LYSMD2: variants seen among roughly 807,000 people sequenced by gnomAD.
LYSMD2 encodes LysM domain containing 2, also known as lysM and putative peptidoglycan-binding domain-containing protein 2.
LYSMD2 carries 6 observed loss-of-function variants against 17.7 expected under a neutral mutation model. The ratio of observed to expected loss-of-function variants is 0.34; its 90% CI spans 0.19 to 0.67. The LOEUF (loss-of-function observed/expected upper bound fraction) is 0.67. LYSMD2 is among the 30% of genes least tolerant of loss of function. LYSMD2 has a pLI of 0.69. For missense variants in LYSMD2, 237 were observed against 286.7 expected, an observed-to-expected ratio of 0.83 and a Z score of 1.25; for synonymous variants, 102 against 129.8, an observed-to-expected ratio of 0.79 and a Z score of 1.45.
At chr15:51,744,368 CA>C (rs1211362855) in intron 1 of LYSMD2, among the ~76,000 whole-genome samples, 1 of 152,014 alleles carries the variant, frequency 6.6e-6, no homozygotes, top group Non-Finnish European at 1.5e-5. Context: ...TGAACTATGT[CA>C]AAAGTTTTTT....
chr15:51,725,140 GAC>G lies in LYSMD2; in HGVS notation c.274-21_274-20del, dbSNP rs751520260. ...GTTCCATCTAAAATATAAAAAAGGA[GAC>G]ACAGAATTACATATAACCAAGTCAA... On this transcript the variant is annotated intron_variant, in intron 1 of 2. Coordinates refer to ENST00000267838, the MANE Select transcript of LYSMD2 (RefSeq NM_153374.3). 6.8e-7 allele frequency: 1 copy of G among 1,477,182 alleles called. No individual in the cohort carries two copies. The highest frequency in any genetic ancestry group is 1.2e-5 in the South Asian group (1 of 80,606). 91.5% of individuals were successfully genotyped at this position (1,477,182 alleles called of 1,614,324 possible).
intron 1 of LYSMD2, among the ~76,000 whole-genome samples, chr15:51,730,763 T>C (rs1027407323): frequency 1.3e-5 from 2 of 152,212 alleles, no homozygotes; most frequent in Admixed American, 1.3e-4. Context: ...CATAATAACA[T>C]GTACATAGCA....
rs566196884 is a variant in LYSMD2 at position 51,737,053 on chromosome 15, G to C, written c.273+297C>G. ...CCTCTTCGGCCTCCCTCACGCGACA[G>C]ATCTAGTCTGAGCCTGGGCGGGGCA... On this transcript the variant is annotated intron_variant, in intron 1 of 2. Transcript: ENST00000267838. The surrounding 1 kb of genome is among the most constrained non-coding windows in gnomAD (Gnocchi z 4.2). Among the ~76,000 whole-genome samples the C allele has an allele frequency of 6.6e-6, 1 of 152,356 alleles. No homozygotes were observed. The highest frequency in any genetic ancestry group is 1.5e-5 in the Non-Finnish European group (1 of 68,028).
At chr15:51,739,775 A>G (rs1358767525), upstream of LYSMD2, among the ~76,000 whole-genome samples, 1 of 152,070 alleles carries the variant, frequency 6.6e-6, no homozygotes, top group African/African-American at 2.4e-5. Flanking sequence ...AAAAAATACA[A>G]AACTTAATCG....
At chr15:51,743,983 C>A (rs779734776) in intron 1 of LYSMD2, among the ~76,000 whole-genome samples, 4 of 151,942 alleles carry the variant, frequency 2.6e-5, no homozygotes, top group African/African-American at 4.8e-5. Flanking sequence ...TTGTTATAAT[C>A]ATTTCTTTGT....
At chr15:51,749,681 C>T (rs752908287) in intron 1 of LYSMD2, among the ~76,000 whole-genome samples, 2 of 152,212 alleles carry the variant, frequency 1.3e-5, no homozygotes, top group African/African-American at 2.4e-5. Context: ...TGCCTACTAT[C>T]AGCTTTCTCT....
Position 51,737,427 on chromosome 15 carries a change from C to T in LYSMD2, c.196G>A (p.Val66Ile), listed in dbSNP as rs2055617888. Residue 66 changes from valine to isoleucine, a missense_variant, in exon 1 of 3, where the codon GTC becomes ATC. Transcript: ENST00000267838. The surrounding 1 kb of genome is among the most constrained non-coding windows in gnomAD (Gnocchi z 4.2). ...CGGTGCTCCACATGGCGCTCGATGA[C>T]GCCGGCGCCCAGCGGCGCCCGCACG... The part of the protein sequence containing the change: ...ASVRAPLGAG[V>I]IERHVEHRVR... 6.9e-7 allele frequency: 1 copy of T among 1,439,028 alleles called. No homozygotes were observed. The highest frequency in any genetic ancestry group is 3.1e-5 in the East Asian group (1 of 32,568). 89.1% of individuals were successfully genotyped at this position (1,439,028 alleles called of 1,614,324 possible). A position where few individuals can be genotyped will look rare whatever the true frequency, so the allele number is the denominator to read the frequency against.
At chr15:51,738,709 A>C (rs1049344904), upstream of LYSMD2, among the ~76,000 whole-genome samples, 4 of 152,108 alleles carry the variant, frequency 2.6e-5, no homozygotes, top group African/African-American at 9.7e-5. Flanking sequence ...TCGTTGGCTG[A>C]AGTTTTGGTA....
chr15:51,739,994 T>C (rs1260736584), upstream of LYSMD2, among the ~76,000 whole-genome samples: 2 of 152,202 alleles, frequency 1.3e-5, no homozygotes, highest in East Asian at 1.9e-4. Context: ...AGTCTTGCTC[T>C]GTTGCCTAGG....
intron 1 of LYSMD2, among the ~76,000 whole-genome samples, chr15:51,728,886 T>C (rs1444814165): frequency 6.6e-6 from 1 of 151,536 alleles, no homozygotes; most frequent in Non-Finnish European, 1.5e-5. Context: ...AAAAAAAAAT[T>C]TGTTTCTCCC....
chr15:51,737,399 AC>A lies in LYSMD2; in HGVS notation c.223del (p.Val75SerfsTer35). 6.9e-7 allele frequency: 1 copy of A among 1,456,898 alleles called. No homozygotes were observed. Among genetic ancestry groups the A allele is most frequent in the Non-Finnish European group, 9.0e-7 (1 of 1,110,072 alleles). 90.2% of individuals were successfully genotyped at this position (1,456,898 alleles called of 1,614,324 possible). A position where few individuals can be genotyped will look rare whatever the true frequency, so the allele number is the denominator to read the frequency against. ...GVIERHVEHR[V>X]RAGDTLQGIA... ...GCCCTGCAGCGTGTCGCCCGCGCGGACCCGGTGCTCCACATGGCGCTCGATG... is the reference window on the plus strand; with the variant it reads ...GCCCTGCAGCGTGTCGCCCGCGCGGACCGGTGCTCCACATGGCGCTCGATG... On this transcript the variant is annotated frameshift_variant, in exon 1 of 3. Transcript: ENST00000267838. LOFTEE classifies it high-confidence loss of function. The surrounding 1 kb of genome is among the most constrained non-coding windows in gnomAD (Gnocchi z 4.2).
chr15:51,747,217 C>G (rs1450262480), intron 1 of LYSMD2, among the ~76,000 whole-genome samples: 2 of 147,340 alleles, frequency 1.4e-5, no homozygotes, highest in East Asian at 4.1e-4. Flanking sequence ...ACAACAACAA[C>G]AACAACAACA....
chr15:51,751,298 T>G (rs1365152621), exon 1 of LYSMD2: 1 of 702,294 alleles, frequency 1.4e-6, no homozygotes. Context: ...GCGGCTTCCG[T>G]GTCAGGATGC....
chr15:51,747,506 A>T (rs1218987150), intron 1 of LYSMD2, among the ~76,000 whole-genome samples: 1 of 152,194 alleles, frequency 6.6e-6, no homozygotes, highest in East Asian at 1.9e-4. Context: ...TAATAATAAT[A>T]ATTTTAGAAA....
upstream of LYSMD2, among the ~76,000 whole-genome samples, chr15:51,741,962 AAT>A (rs915764452): frequency 1.3e-5 from 2 of 149,148 alleles, no homozygotes; most frequent in South Asian, 4.2e-4. Context: ...ATATATAAAT[AAT>A]ATATATATAT....
chr15:51,743,848 T>C (rs796469724), intron 1 of LYSMD2, among the ~76,000 whole-genome samples: 18 of 152,328 alleles, frequency 1.2e-4, no homozygotes, highest in African/African-American at 4.3e-4. Flanking sequence ...TAAGTATTTA[T>C]TTGTTTCTGT....
In LYSMD2 at chr15:51,737,217, A is replaced by G. The variant is rs1195180796; in HGVS notation, c.273+133T>C. ...TGGGAGCCGAGCCGCCCGGGGACGCACGGCCGTCCCTGCGACTCCCCATCC... is the reference window on the plus strand; with the variant it reads ...TGGGAGCCGAGCCGCCCGGGGACGCGCGGCCGTCCCTGCGACTCCCCATCC... On this transcript the variant is annotated intron_variant, in intron 1 of 2. Transcript: ENST00000267838. The surrounding 1 kb of genome is among the most constrained non-coding windows in gnomAD (Gnocchi z 4.2). 3 of 676,662 alleles carry G rather than the reference A, an allele frequency of 4.4e-6. No individual in the cohort carries two copies. The highest frequency in any genetic ancestry group is 4.8e-5 in the Admixed American group (1 of 20,844). The allele number at this position is 676,662 out of a possible 1,614,324, so 41.9% of individuals were successfully genotyped here.
In LYSMD2 at chr15:51,735,857, T is replaced by C. The variant is rs538020023; in HGVS notation, c.273+1493A>G. On this transcript the variant is annotated intron_variant, in intron 1 of 2. Transcript: ENST00000267838. ...GGAAATAACACTCTTCTGCATGTCATAGATTTTTAGGTGCTGTCACTAGCC... is the reference window on the plus strand; with the variant it reads ...GGAAATAACACTCTTCTGCATGTCACAGATTTTTAGGTGCTGTCACTAGCC... 2.0e-5 allele frequency among the ~76,000 whole-genome samples: 3 copies of C among 152,362 alleles called. No homozygotes were observed. The East Asian group carries it at 5.8e-4, about 29-fold the overall frequency.
chr15:51,731,347 C>T (rs1399846057), intron 1 of LYSMD2, among the ~76,000 whole-genome samples: 1 of 152,224 alleles, frequency 6.6e-6, no homozygotes, highest in East Asian at 1.9e-4. Flanking sequence ...GTTATCTTCT[C>T]TTTAACTAGC....
Sources: gnomAD v4.1 joint callset for allele counts (sites outside exome capture counted in the v4.1 genomes callset) on GRCh38, gnomAD v4.1.1 for gene constraint, Gnocchi (gnomAD v3.1) non-coding constraint, MANE v1.5 for transcripts, NCBI Gene and HGNC (gene_info 2026-07-23, HGNC 2026-07-21) for gene names.